Variants in MYRIP observed in about 807,000 individuals in gnomAD.
MYRIP encodes rab effector MyRIP.
A neutral mutation model predicts 98.0 loss-of-function variants in MYRIP; 49 were observed. The observed-to-expected ratio is 0.50, with a 90% CI of 0.40 to 0.63. MYRIP has a LOEUF of 0.63. Among genes scored for constraint, MYRIP ranks in the 30% least tolerant of loss-of-function variants. The pLI, the probability that MYRIP is intolerant of heterozygous loss-of-function variation, is 0.00. For synonymous variants in MYRIP, 404 were observed against 409.5 expected (o/e 0.99, Z 0.16); for missense variants, 1,004 against 1,058.2 (o/e 0.95, Z 0.71).
chr3:40,008,981 T>A (rs960829872), intron 2 of MYRIP, among the ~76,000 whole-genome samples: 2 of 152,152 alleles, frequency 1.3e-5, no homozygotes, highest in Admixed American at 6.5e-5. Context: ...CTGCCTGCCC[T>A]TGCTCCAGGC....
intron 11 of MYRIP, among the ~76,000 whole-genome samples, chr3:40,213,975 C>G (rs1168812804): frequency 6.6e-6 from 1 of 152,162 alleles, no homozygotes; most frequent in Admixed American, 6.5e-5. Flanking sequence ...TGATAAACTA[C>G]TTGATAAACT....
intron 1 of MYRIP, among the ~76,000 whole-genome samples, chr3:39,827,380 T>A (rs1373415379): frequency 6.6e-6 from 1 of 152,208 alleles, no homozygotes; most frequent in Non-Finnish European, 1.5e-5. Context: ...CCCCAAATAC[T>A]CAGTTTATAG....
chr3:40,218,576 C>T (rs1188533359), intron 11 of MYRIP, among the ~76,000 whole-genome samples: 1 of 21,852 alleles, frequency 4.6e-5, no homozygotes, highest in Non-Finnish European at 8.5e-5. Flanking sequence ...CACACATACA[C>T]ATTTACACAC....
At chr3:40,026,556 A>C (rs1947134533) in intron 2 of MYRIP, among the ~76,000 whole-genome samples, 1 of 152,190 alleles carries the variant, frequency 6.6e-6, no homozygotes, top group Non-Finnish European at 1.5e-5. Flanking sequence ...GTATTATTAG[A>C]GAAGTGATAA....
intron 10 of MYRIP, among the ~76,000 whole-genome samples, chr3:40,202,906 C>CTTACTTACTTATTTATTTATTTAT (rs369594921): frequency 7.0e-6 from 1 of 142,428 alleles, no homozygotes; most frequent in Non-Finnish European, 1.5e-5. Flanking sequence ...CCTCCATTTA[C>CTTACTTACTTATTTATTTATTTAT]TTATTTATTT....
intron 2 of MYRIP, among the ~76,000 whole-genome samples, chr3:39,920,475 T>C (rs13060371): frequency 0.37 from 56,837 of 151,970 alleles, 10,974 homozygotes; most frequent in East Asian, 0.46. Flanking sequence ...TCTTAGCTGC[T>C]GAGACATTTT....
chr3:40,013,050 G>A (rs1946795913), intron 2 of MYRIP, among the ~76,000 whole-genome samples: 1 of 151,862 alleles, frequency 6.6e-6, no homozygotes, highest in Admixed American at 6.6e-5. Flanking sequence ...CTCCCTTTTT[G>A]CATTTCTTGC....
chr3:39,820,382 T>TTTTGTTAG (rs111614172), intron 1 of MYRIP, among the ~76,000 whole-genome samples: 1 of 151,008 alleles, frequency 6.6e-6, no homozygotes, highest in Non-Finnish European at 1.5e-5. Flanking sequence ...TACATGATGG[T>TTTTGTTAG]TTTGTTTGTT....
chr3:39,910,399 T>C (rs1424106378), intron 2 of MYRIP, among the ~76,000 whole-genome samples: 1 of 152,158 alleles, frequency 6.6e-6, no homozygotes, highest in Non-Finnish European at 1.5e-5. Context: ...TAGGACCATC[T>C]TGGAAAATCT....
chr3:39,904,735 G>A (rs140603684), intron 2 of MYRIP, among the ~76,000 whole-genome samples: 9 of 152,260 alleles, frequency 5.9e-5, no homozygotes, highest in South Asian at 4.1e-4. Flanking sequence ...GAGGCACATC[G>A]TGGTTGGTGT....
At chr3:40,181,378 C>T (rs1402858851) in intron 8 of MYRIP, among the ~76,000 whole-genome samples, 3 of 152,144 alleles carry the variant, frequency 2.0e-5, no homozygotes, top group African/African-American at 4.8e-5. Flanking sequence ...TGCACTGGGA[C>T]AGAAGGGAGT....
intron 3 of MYRIP, among the ~76,000 whole-genome samples, chr3:40,124,715 T>A (rs1176379983): frequency 6.6e-6 from 1 of 152,106 alleles, no homozygotes; most frequent in Non-Finnish European, 1.5e-5. Context: ...AGGAAATGGA[T>A]TGGATCCAGA....
At chr3:39,915,928 A>C (rs553897300) in intron 2 of MYRIP, among the ~76,000 whole-genome samples, 1 of 152,102 alleles carries the variant, frequency 6.6e-6, no homozygotes, top group East Asian at 1.9e-4. Context: ...CTTATGTTTT[A>C]ATGCTACTAT....
At chr3:39,862,878 C>T (rs911846809) in intron 1 of MYRIP, among the ~76,000 whole-genome samples, 3 of 152,154 alleles carry the variant, frequency 2.0e-5, no homozygotes, top group African/African-American at 2.4e-5. Context: ...CTAAAATCAA[C>T]CACACAATTG....
intron 16 of MYRIP, among the ~76,000 whole-genome samples, chr3:40,256,063 G>A (rs1559480034): frequency 6.6e-6 from 1 of 152,188 alleles, no homozygotes; most frequent in Non-Finnish European, 1.5e-5. Context: ...CACTAGCCAC[G>A]TGTGGCTACT....
At chr3:40,111,057 G>A (rs1238294581) in intron 3 of MYRIP, among the ~76,000 whole-genome samples, 3 of 152,166 alleles carry the variant, frequency 2.0e-5, no homozygotes, top group African/African-American at 7.2e-5. Context: ...CCTTCAGTCT[G>A]ATGCCTGAAA....
intron 3 of MYRIP, among the ~76,000 whole-genome samples, chr3:40,123,384 T>C (rs997699922): frequency 2.0e-5 from 3 of 152,228 alleles, no homozygotes; most frequent in Non-Finnish European, 4.4e-5. Context: ...TGGGCAGTTC[T>C]CTGACTGAAA....
intron 3 of MYRIP, among the ~76,000 whole-genome samples, chr3:40,142,957 C>T (rs1286735805): frequency 6.6e-6 from 1 of 152,210 alleles, no homozygotes; most frequent in Non-Finnish European, 1.5e-5. Flanking sequence ...GGACAGAAAG[C>T]AGGTAGATTC....
chr3:39,993,434 C>T (rs767167168), intron 2 of MYRIP, among the ~76,000 whole-genome samples: 11 of 152,188 alleles, frequency 7.2e-5, no homozygotes, highest in Non-Finnish European at 1.3e-4. Flanking sequence ...ACAAACCCCA[C>T]CCCTGGTTAA....
Sources: allele counts gnomAD v4.1 joint callset (sites outside exome capture counted in the v4.1 genomes callset), GRCh38; gene constraint gnomAD v4.1.1; transcripts MANE v1.5; gene names NCBI Gene and HGNC (gene_info 2026-07-23, HGNC 2026-07-21).